UGT8: variants seen among roughly 807,000 people sequenced by gnomAD.
The protein encoded by UGT8 is 2-hydroxyacylsphingosine 1-beta-galactosyltransferase.
In UGT8, 12 loss-of-function variants were observed where a neutral mutation model predicts 40.5. The observed-to-expected ratio is 0.30, with a 90% CI of 0.19 to 0.48. UGT8 has a LOEUF of 0.48. UGT8 is among the 20% of genes least tolerant of loss of function. The pLI is 0.99. For synonymous variants in UGT8, 224 were observed against 240.4 expected (o/e 0.93, Z 0.63); for missense variants, 513 against 648.7 (o/e 0.79, Z 2.27).
intron 2 of UGT8, among the ~76,000 whole-genome samples, chr4:114,634,445 G>A (rs1732764928): frequency 6.6e-6 from 1 of 152,162 alleles, no homozygotes; most frequent in Non-Finnish European, 1.5e-5. Context: ...AAGAGGAGGA[G>A]GGAAGAGGAG....
At chr4:114,625,661 C>CT (rs1243017971) in intron 2 of UGT8, among the ~76,000 whole-genome samples, 10 of 151,972 alleles carry the variant, frequency 6.6e-5, no homozygotes, top group Non-Finnish European at 1.5e-4. Context: ...TTTCAATACT[C>CT]TACCTTTCAA....
chr4:114,629,827 A>G (rs1018979531), intron 2 of UGT8, among the ~76,000 whole-genome samples: 26 of 152,340 alleles, frequency 1.7e-4, no homozygotes, highest in African/African-American at 6.0e-4. Flanking sequence ...TTGAATTGAT[A>G]TTGCAAGATC....
chr4:114,675,522 C>A (rs1735570631), intron 5 of UGT8, among the ~76,000 whole-genome samples: 1 of 151,794 alleles, frequency 6.6e-6, no homozygotes, highest in Admixed American at 6.6e-5. Flanking sequence ...AGGCGGATCA[C>A]GAGGTCAGGA....
At position 114,623,438 on chromosome 4, in the gene UGT8, C is replaced by G; in HGVS notation, c.558C>G (p.Asp186Glu). ...YVPEFNSLLTDRMNLLQRMKN... is the reference protein window; with the variant it reads ...YVPEFNSLLTERMNLLQRMKN... Reference sequence around the variant, plus strand: ...CAGAGTTTAACTCACTCCTCACAGACCGCATGAACTTGCTGCAAAGGATGA... The same window carrying G: ...CAGAGTTTAACTCACTCCTCACAGAGCGCATGAACTTGCTGCAAAGGATGA... The change falls in exon 2 of 6, where the codon GAC (aspartate) becomes GAG (glutamate). Residue 186 changes from aspartate to glutamate, a missense_variant. By Grantham distance (45) the Asp-to-Glu change is conservative (BLOSUM62 2). Coordinates refer to ENST00000310836, the MANE Select transcript of UGT8 (RefSeq NM_001128174.3). The G allele has an allele frequency of 6.2e-7, 1 of 1,614,188 alleles. No individual in the cohort carries two copies. The highest frequency in any genetic ancestry group is 8.5e-7 in the Non-Finnish European group (1 of 1,180,024).
upstream of UGT8, chr4:114,598,419 G>C (rs1219253822): frequency 1.3e-5 from 2 of 152,222 alleles, no homozygotes; most frequent in African/African-American, 2.4e-5. Flanking sequence ...TTCGCAACTC[G>C]AGCGCCCAGA....
At chr4:114,641,918 G>C (rs1396321157) in intron 2 of UGT8, among the ~76,000 whole-genome samples, 1 of 152,052 alleles carries the variant, frequency 6.6e-6, no homozygotes. Flanking sequence ...TAAAATCAAC[G>C]TGACTGATAG....
In UGT8 at chr4:114,668,266, G is replaced by A. The variant is rs781706534; in HGVS notation, c.1224G>A (p.Glu408=). 1.2e-6 allele frequency: 2 copies of A among 1,613,698 alleles called. No individual in the cohort carries two copies. Among genetic ancestry groups the A allele is most frequent in the Non-Finnish European group, 1.7e-6 (2 of 1,179,736 alleles). The change falls in exon 5 of 6, where the codon GAG becomes GAA. Residue 408 remains glutamate, a synonymous_variant. Transcript: ENST00000310836. ...LLEWKTVTEK[E]LYEALVKVIN... ...AATGGAAGACAGTTACTGAAAAAGA[G>A]CTCTATGAAGCACTAGTGAAGGTTA...
intron 1 of UGT8, among the ~76,000 whole-genome samples, chr4:114,620,008 T>C (rs1301809939): frequency 1.3e-5 from 2 of 151,708 alleles, no homozygotes; most frequent in African/African-American, 4.8e-5. Context: ...TAATTATATC[T>C]TGACAATGCT....
At chr4:114,611,437 TATATATATAC>T (rs1236156622) in intron 1 of UGT8, among the ~76,000 whole-genome samples, 6 of 59,846 alleles carry the variant, frequency 1.0e-4, no homozygotes, top group Admixed American at 6.2e-4. Flanking sequence ...TATATATATA[TATATATATAC>T]ACACACACAC....
rs373231927 is a variant in UGT8, at chr4:114,658,912, C to T, written c.823-5083C>T. On this transcript the variant is annotated intron_variant, in intron 2 of 5. Coordinates refer to ENST00000310836, the MANE Select transcript of UGT8 (RefSeq NM_001128174.3). ...TTATACTTTGGGAGTAGTTGCTCCC[C>T]GAGTCTGACTCTGGTACATTGCTTA... is the stretch of plus-strand genomic sequence containing the variant. 3.8e-4 allele frequency among the ~76,000 whole-genome samples: 58 copies of T among 152,124 alleles called. 4 individuals are homozygous for T. The highest frequency in any genetic ancestry group is 1.9e-3 in the Admixed American group (29 of 15,286).
chr4:114,627,311 T>C (rs1210622198), intron 2 of UGT8, among the ~76,000 whole-genome samples: 2 of 147,938 alleles, frequency 1.4e-5, no homozygotes, highest in Non-Finnish European at 3.0e-5. Flanking sequence ...CAGGCTGGAG[T>C]GCAGTGGCAT....
At chr4:114,671,633 C>T (rs1467271877) in intron 5 of UGT8, among the ~76,000 whole-genome samples, 1 of 152,154 alleles carries the variant, frequency 6.6e-6, no homozygotes, top group African/African-American at 2.4e-5. Flanking sequence ...ATGCAGAAAA[C>T]TGAAACTGGA....
chr4:114,618,018 T>C (rs567328571), intron 1 of UGT8, among the ~76,000 whole-genome samples: 2 of 152,310 alleles, frequency 1.3e-5, no homozygotes, highest in South Asian at 4.1e-4. Context: ...ATCTTTACTT[T>C]GTTATCATTA....
chr4:114,617,506 T>A (rs1731517038), intron 1 of UGT8, among the ~76,000 whole-genome samples: 1 of 152,142 alleles, frequency 6.6e-6, no homozygotes, highest in Non-Finnish European at 1.5e-5. Context: ...ATAATGCAGT[T>A]TGTGTAGAGT....
chr4:114,609,410 A>G (rs1730913863), intron 1 of UGT8, among the ~76,000 whole-genome samples: 1 of 152,238 alleles, frequency 6.6e-6, no homozygotes, highest in African/African-American at 2.4e-5. Context: ...TATTCTTTTA[A>G]TCAGTTAGAC....
rs1306737687 is a variant in UGT8, at chr4:114,677,186, G to A, written c.*898G>A. On this transcript the variant is annotated 3_prime_UTR_variant, in exon 6 of 6. Transcript: ENST00000310836. The stretch of plus-strand genomic sequence containing the variant: ...ATTGCTTCTAGGGCATTTTTAAACA[G>A]CACCATTGTATTGTTGAATGTTTAT... 6.6e-6 allele frequency: 1 copy of A among 152,108 alleles called. No homozygotes were observed. The highest frequency in any genetic ancestry group is 1.5e-5 in the Non-Finnish European group (1 of 68,020). 9.4% of individuals were successfully genotyped at this position (152,108 alleles called of 1,614,324 possible). A position where few individuals can be genotyped will look rare whatever the true frequency, so the allele number is the denominator to read the frequency against.
intron 1 of UGT8, among the ~76,000 whole-genome samples, chr4:114,606,881 A>G (rs1730766552): frequency 1.3e-5 from 2 of 152,162 alleles, no homozygotes; most frequent in Admixed American, 1.3e-4. Flanking sequence ...CTGAGAATGA[A>G]TTTAATTAAA....
chr4:114,665,625 A>G (rs1734813440), intron 3 of UGT8, 55 bp from the exon 4 acceptor site: 6 of 1,470,228 alleles, frequency 4.1e-6, no homozygotes, highest in South Asian at 2.6e-5. Context: ...CAGAGAGCCC[A>G]TACTATGAGT....
At chr4:114,661,246 A>G (rs1057293934) in intron 2 of UGT8, among the ~76,000 whole-genome samples, 1 of 152,080 alleles carries the variant, frequency 6.6e-6, no homozygotes, top group East Asian at 1.9e-4. Context: ...TTTACTTGTA[A>G]AAATGTTACA....
Sources: gnomAD v4.1 joint callset for allele counts (sites outside exome capture counted in the v4.1 genomes callset) on GRCh38, gnomAD v4.1.1 for gene constraint, MANE v1.5 for transcripts, NCBI Gene and HGNC (gene_info 2026-07-23, HGNC 2026-07-21) for gene names.